The following HIVEP2 variants were observed in gnomAD, a reference collection of about 807,000 sequenced individuals.
HIVEP2 encodes the protein HIVEP zinc finger 2.
HIVEP2 carries 14 observed loss-of-function variants against 180.7 expected under a neutral mutation model. That is an observed-to-expected ratio of 0.08 (90% CI 0.05 to 0.12). The LOEUF (loss-of-function observed/expected upper bound fraction) is 0.12. Ranked by LOEUF, HIVEP2 falls within the 10% of genes least tolerant of loss-of-function variation. The probability of loss-of-function intolerance (pLI) is 1.00; values close to 1 mark genes in which losing one functional copy is unlikely to be tolerated. For missense variants in HIVEP2, 2,579 were observed against 3,008.5 expected (o/e 0.86, Z 3.34); for synonymous variants, 1,184 against 1,136.4 (o/e 1.04, Z -0.84).
rs1390121335 is a variant in HIVEP2, at chr6:142,752,094, G to A, written c.*1013C>T. The A allele has an allele frequency of 6.6e-6, 1 of 152,636 alleles. No individual in the cohort carries two copies. The highest frequency in any genetic ancestry group is 1.5e-5 in the Non-Finnish European group (1 of 68,048). The allele number at this position is 152,636 out of a possible 1,614,324, so 9.5% of individuals were successfully genotyped here. On this transcript the variant is annotated 3_prime_UTR_variant, in exon 10 of 10. Transcript: ENST00000367603. Reference sequence around the variant, plus strand: ...ATAACCAAGCTCTACACAGTCCCATGTGCTTTGTCACCTTAATTTTTTAAA... The same window carrying A: ...ATAACCAAGCTCTACACAGTCCCATATGCTTTGTCACCTTAATTTTTTAAA...
At chr6:142,785,308 T>C (rs887876050) in intron 2 of HIVEP2, among the ~76,000 whole-genome samples, 1 of 41,326 alleles carries the variant, frequency 2.4e-5, no homozygotes, top group African/African-American at 8.7e-5. Context: ...ATGGCATTCC[T>C]CAAAAAAAAA....
chr6:142,789,808 A>G (rs978297059), intron 2 of HIVEP2, among the ~76,000 whole-genome samples: 3 of 152,222 alleles, frequency 2.0e-5, no homozygotes, highest in Non-Finnish European at 2.9e-5. Context: ...CAAATGAGCA[A>G]AGATATTTAT....
At chr6:142,942,221 T>G (rs77689337) in intron 1 of HIVEP2, among the ~76,000 whole-genome samples, 1,555 of 152,238 alleles carry the variant, frequency 0.01, 25 homozygotes, top group African/African-American at 0.034. Context: ...CTTGTTATAA[T>G]TCAAAAGCTG....
intron 1 of HIVEP2, among the ~76,000 whole-genome samples, chr6:142,860,332 C>G (rs1775942962): frequency 6.6e-6 from 1 of 152,100 alleles, no homozygotes; most frequent in Non-Finnish European, 1.5e-5. Flanking sequence ...TACTATAAAG[C>G]TCTACAACAG....
In HIVEP2 at chr6:142,851,394, A is replaced by T. The variant is rs142228676; in HGVS notation, c.-640-14347T>A. Among the ~76,000 whole-genome samples the T allele has an allele frequency of 1.1e-3, 160 of 152,378 alleles. 1 individual carries two copies. Among genetic ancestry groups the T allele is most frequent in the African/African-American group, 3.8e-3 (158 of 41,590 alleles). ...GGCTGCTATGATTTCCACAAAGAGGAATGTTAAAAGTTTGGGCTGACTACT... is the reference window on the plus strand; with the variant it reads ...GGCTGCTATGATTTCCACAAAGAGGTATGTTAAAAGTTTGGGCTGACTACT... On this transcript the variant is annotated intron_variant, in intron 1 of 9. Transcript: ENST00000367603.
chr6:142,760,313 T>A lies in HIVEP2; in HGVS notation c.5975A>T (p.Asp1992Val). 6.2e-7 allele frequency: 1 copy of A among 1,614,198 alleles called. No homozygotes were observed. Among genetic ancestry groups the A allele is most frequent in the Non-Finnish European group, 8.5e-7 (1 of 1,180,016 alleles). Residue 1992 changes from aspartate (D) to valine (V), a missense_variant, in exon 9 of 10, where the codon GAT (aspartate) becomes GTT (valine). By Grantham distance (152) the Asp-to-Val change is radical. Transcript: ENST00000367603. ...QLMTPSDSCEDTQMTEYQRLF... is the reference protein window; with the variant it reads ...QLMTPSDSCEVTQMTEYQRLF... ...CCTCTGGTATTCTGTCATCTGGGTA[T>A]CTTCACATGAATCACTGGGTGTCAT...
At chr6:142,865,031 G>A (rs936524442) in intron 1 of HIVEP2, among the ~76,000 whole-genome samples, 3 of 152,164 alleles carry the variant, frequency 2.0e-5, no homozygotes, top group Non-Finnish European at 1.5e-5. Context: ...CCTCCAGCAA[G>A]AGATTTATTA....
chr6:142,885,852 G>A (rs141484688), intron 1 of HIVEP2, among the ~76,000 whole-genome samples: 6 of 152,162 alleles, frequency 3.9e-5, no homozygotes, highest in Admixed American at 6.6e-5. Flanking sequence ...ATAAAATGCC[G>A]CCTAATCTTC....
At chr6:142,895,073 T>A (rs751317026) in intron 1 of HIVEP2, among the ~76,000 whole-genome samples, 1 of 152,230 alleles carries the variant, frequency 6.6e-6, no homozygotes, top group Non-Finnish European at 1.5e-5. Flanking sequence ...ATCCATCACA[T>A]TACAATTTTA....
chr6:142,939,471 C>T (rs1306226812), intron 1 of HIVEP2, among the ~76,000 whole-genome samples: 3 of 152,186 alleles, frequency 2.0e-5, no homozygotes, highest in Non-Finnish European at 2.9e-5. Flanking sequence ...ACGTACCTTT[C>T]CAGGCTCCCA....
rs79723124 is a variant in HIVEP2, at chr6:142,911,320, AAG to A, written c.-641+33777_-641+33778del. Among the ~76,000 whole-genome samples the A allele has an allele frequency of 8.4e-3, 1,280 of 152,284 alleles. 83 individuals are homozygous for A. The East Asian group carries it at 0.17, about 20-fold the overall frequency. ...GCAGAATTTAAACATAGCAATTTTC[AAG>A]TGGGTCTCTAAAAAGGTGTGATGAT... On this transcript the variant is annotated intron_variant, in intron 1 of 9. Transcript: ENST00000367603.
intron 2 of HIVEP2, among the ~76,000 whole-genome samples, chr6:142,794,679 T>C (rs1490745352): frequency 6.6e-6 from 1 of 152,210 alleles, no homozygotes; most frequent in Admixed American, 6.5e-5. Flanking sequence ...CAAATGCATC[T>C]GACATATTCT....
At chr6:142,838,418 T>G (rs1212959840) in intron 1 of HIVEP2, among the ~76,000 whole-genome samples, 1 of 152,166 alleles carries the variant, frequency 6.6e-6, no homozygotes, top group African/African-American at 2.4e-5. Flanking sequence ...TTTGGTTATT[T>G]AAAATTACAC....
Position 142,753,667 on chromosome 6 carries a change from C to T in HIVEP2, c.6781G>A (p.Glu2261Lys). Residue 2261 changes from glutamate to lysine, a missense_variant, in exon 10 of 10, where the codon GAG (glutamate) becomes AAG (lysine). This residue lies in a region of HIVEP2 where 660 missense variants were observed against 731.7 expected (regional missense o/e 0.90). Coordinates refer to ENST00000367603, the MANE Select transcript of HIVEP2 (RefSeq NM_006734.4). Reference protein sequence around the residue: ...PTLPLPMEGFEEKKGASGESF... With the variant: ...PTLPLPMEGFKEKKGASGESF... ...TCCCCTGACGCGCCTTTCTTCTCCT[C>T]AAAGCCCTCCATTGGCAGGGGCAAT... The T allele has an allele frequency of 6.2e-7, 1 of 1,614,180 alleles. No individual in the cohort carries two copies. The highest frequency in any genetic ancestry group is 1.1e-5 in the South Asian group (1 of 91,084).
At chr6:142,767,926 T>C (rs966654869) in intron 6 of HIVEP2, among the ~76,000 whole-genome samples, 3 of 152,212 alleles carry the variant, frequency 2.0e-5, no homozygotes, top group Non-Finnish European at 4.4e-5. Flanking sequence ...TGAAATCCCA[T>C]TAAAGCCTCT....
At chr6:142,835,072 T>C (rs1400004302) in intron 2 of HIVEP2, among the ~76,000 whole-genome samples, 1 of 152,208 alleles carries the variant, frequency 6.6e-6, no homozygotes, top group African/African-American at 2.4e-5. Flanking sequence ...AATATAATTC[T>C]GGTTACATTT....
intron 1 of HIVEP2, among the ~76,000 whole-genome samples, chr6:142,939,572 T>C (rs1778127042): frequency 6.6e-6 from 1 of 152,144 alleles, no homozygotes. Flanking sequence ...CTCAGTGAAA[T>C]TCTACTTAAC....
intron 2 of HIVEP2, among the ~76,000 whole-genome samples, chr6:142,797,858 A>G (rs979797839): frequency 1.3e-5 from 2 of 151,876 alleles, no homozygotes; most frequent in Non-Finnish European, 2.9e-5. Flanking sequence ...GGTTTCAGGC[A>G]TTCAATTGGG....
At chr6:142,891,788 C>G (rs543563925) in intron 1 of HIVEP2, among the ~76,000 whole-genome samples, 1 of 152,220 alleles carries the variant, frequency 6.6e-6, no homozygotes, top group Non-Finnish European at 1.5e-5. Context: ...ACACGGCCCC[C>G]GATGGTCTAA....
Sources: gnomAD v4.1 joint callset for allele counts (sites outside exome capture counted in the v4.1 genomes callset) on GRCh38, gnomAD v4.1.1 for gene constraint, gnomAD v4.1.1 regional missense constraint, MANE v1.5 for transcripts, NCBI Gene and HGNC (gene_info 2026-07-23, HGNC 2026-07-21) for gene names.